ASTN2: variants seen among roughly 807,000 people sequenced by gnomAD.
The protein encoded by ASTN2 is astrotactin-2.
ASTN2 carries 54 observed loss-of-function variants against 139.8 expected under a neutral mutation model. The ratio of observed to expected loss-of-function variants is 0.39; its 90% confidence interval spans 0.31 to 0.48. ASTN2 has a LOEUF of 0.48. Among genes scored for constraint, ASTN2 ranks in the 20% least tolerant of loss-of-function variants. The pLI is 0.95. For missense variants in ASTN2, 1,565 were observed against 1,725.1 expected (o/e 0.91, Z 1.64); for synonymous variants, 756 against 719.5 (o/e 1.05, Z -0.81).
At chr9:117,353,584 C>A (rs546654887) in intron 1 of ASTN2, among the ~76,000 whole-genome samples, 1 of 152,286 alleles carries the variant, frequency 6.6e-6, no homozygotes, top group Non-Finnish European at 1.5e-5. Context: ...AAAGATCAGT[C>A]TTTCAAGTTA....
intron 1 of ASTN2, among the ~76,000 whole-genome samples, chr9:117,338,851 C>A (rs1482389009): frequency 6.6e-6 from 1 of 152,088 alleles, no homozygotes; most frequent in African/African-American, 2.4e-5. Flanking sequence ...AACTCAACAG[C>A]ACACCTGTCC....
At chr9:117,120,018 GTATATATATATATATATA>G (rs200361826) in intron 4 of ASTN2, among the ~76,000 whole-genome samples, 1 of 45,998 alleles carries the variant, frequency 2.2e-5, no homozygotes, top group Admixed American at 3.0e-4. Context: ...GTGTGTGTGT[GTATATATATATATATATA>G]TATATATATA....
chr9:117,382,971 G>A (rs1182921305), intron 1 of ASTN2, among the ~76,000 whole-genome samples: 1 of 152,094 alleles, frequency 6.6e-6, no homozygotes, highest in Non-Finnish European at 1.5e-5. Flanking sequence ...TTTTAGTGAA[G>A]GGCCAGACAG....
chr9:116,675,803 C>T (rs1286576077), intron 16 of ASTN2, among the ~76,000 whole-genome samples: 1 of 152,140 alleles, frequency 6.6e-6, no homozygotes, highest in Non-Finnish European at 1.5e-5. Flanking sequence ...TGACCATCTG[C>T]TCTTGGCCTT....
intron 4 of ASTN2, among the ~76,000 whole-genome samples, chr9:117,125,811 A>G (rs1227226812): frequency 6.6e-6 from 1 of 150,536 alleles, no homozygotes; most frequent in Admixed American, 6.6e-5. Flanking sequence ...GTGTCCCAAA[A>G]GGATCATTTC....
intron 7 of ASTN2, among the ~76,000 whole-genome samples, chr9:117,004,036 A>G (rs63660560): frequency 3.0e-4 from 1 of 3,312 alleles, no homozygotes; most frequent in Non-Finnish European, 0.17. Context: ...TATCTTGATT[A>G]AAAAAAAGAA....
intron 10 of ASTN2, among the ~76,000 whole-genome samples, chr9:116,964,262 C>A (rs1439797500): frequency 2.7e-5 from 4 of 149,314 alleles, no homozygotes; most frequent in Non-Finnish European, 4.5e-5. Context: ...TGTGTGCGCG[C>A]GCGCGCGTGT....
chr9:117,370,717 T>C (rs1021071807), intron 1 of ASTN2, among the ~76,000 whole-genome samples: 1 of 147,872 alleles, frequency 6.8e-6, no homozygotes, highest in Admixed American at 6.8e-5. Flanking sequence ...CTCTTTTTTT[T>C]CCCCCTAGAG....
intron 16 of ASTN2, among the ~76,000 whole-genome samples, chr9:116,704,530 T>C (rs1419529553): frequency 6.6e-6 from 1 of 152,200 alleles, no homozygotes; most frequent in East Asian, 1.9e-4. Context: ...GGATAGTATA[T>C]GTAAAAGTAC....
In ASTN2 at chr9:116,456,965, T is replaced by C. The variant is rs374052022; in HGVS notation, c.3498-14412A>G. On this transcript the variant is annotated intron_variant, in intron 20 of 22. Transcript: ENST00000313400. ...AACTTCAAATTATACTACAGAGCTA[T>C]AGTAACCAAAACTGCATGGTACTGT... Among the ~76,000 whole-genome samples, 8 of 152,258 alleles carry C rather than the reference T, an allele frequency of 5.3e-5. No individual in the cohort carries two copies. The East Asian group carries it at 1.2e-3, about 22-fold the overall frequency.
intron 2 of ASTN2, among the ~76,000 whole-genome samples, chr9:117,266,874 T>C (rs1256265938): frequency 6.6e-6 from 1 of 152,218 alleles, no homozygotes; most frequent in Non-Finnish European, 1.5e-5. Flanking sequence ...TCTCAACAAA[T>C]GTTCACAAAT....
intron 19 of ASTN2, among the ~76,000 whole-genome samples, chr9:116,563,338 G>C (rs548114071): frequency 7.5e-4 from 114 of 151,770 alleles, no homozygotes; most frequent in Non-Finnish European, 1.6e-3. Context: ...TCACGCCACT[G>C]CACTCCAGCC....
intron 2 of ASTN2, among the ~76,000 whole-genome samples, chr9:117,267,228 A>G (rs1833956972): frequency 6.6e-6 from 1 of 152,260 alleles, no homozygotes; most frequent in Non-Finnish European, 1.5e-5. Flanking sequence ...CAAAGGTGTC[A>G]TGATATTAAA....
At chr9:117,394,613 G>A (rs903197477) in intron 1 of ASTN2, among the ~76,000 whole-genome samples, 3 of 152,194 alleles carry the variant, frequency 2.0e-5, no homozygotes, top group Non-Finnish European at 4.4e-5. Context: ...TAGCTTATAC[G>A]AAACAGGTAA....
At chr9:116,875,697 T>G (rs550078502) in intron 10 of ASTN2, among the ~76,000 whole-genome samples, 1 of 152,330 alleles carries the variant, frequency 6.6e-6, no homozygotes, top group South Asian at 2.1e-4. Flanking sequence ...TCTCTCTCAT[T>G]AGGGGTTAAT....
chr9:117,094,168 G>C (rs1337319144), intron 5 of ASTN2, among the ~76,000 whole-genome samples: 1 of 122,674 alleles, frequency 8.2e-6, no homozygotes, highest in Non-Finnish European at 1.7e-5. Context: ...GGGAGGAAGG[G>C]AGGAAGGGAG....
In ASTN2 at chr9:117,141,418, A is replaced by T. The variant is rs533260380; in HGVS notation, c.1076T>A (p.Phe359Tyr). Reference protein sequence around the residue: ...ESLMQKFKESFRANTPIEIGQ... With the variant: ...ESLMQKFKESYRANTPIEIGQ... ...GATCTCGATGGGCGTGTTAGCGCGG[A>T]AACTCTCCTTGAACTTCTGCATCAG... The change falls in exon 4 of 23, where the codon TTC becomes TAC. Residue 359 changes from phenylalanine to tyrosine, a missense_variant. Physicochemically the swap from Phe to Tyr is conservative, Grantham distance 22. This residue lies in a region of ASTN2 where 596 missense variants were observed against 576.8 expected (regional missense o/e 1.03). Transcript: ENST00000313400. 5.6e-5 allele frequency: 77 copies of T among 1,367,444 alleles called. No homozygotes were observed. The South Asian group carries it at 7.3e-4, about 13-fold the overall frequency. 84.7% of individuals were successfully genotyped at this position (1,367,444 alleles called of 1,614,324 possible).
intron 7 of ASTN2, among the ~76,000 whole-genome samples, chr9:116,995,768 T>C (rs7019228): frequency 0.017 from 2,534 of 152,318 alleles, 64 homozygotes; most frequent in African/African-American, 0.05. Context: ...ACTTGTAAAA[T>C]GAGACGATAA....
At chr9:116,774,376 T>C (rs1564259583) in intron 13 of ASTN2, among the ~76,000 whole-genome samples, 1 of 152,174 alleles carries the variant, frequency 6.6e-6, no homozygotes, top group Admixed American at 6.5e-5. Flanking sequence ...GGAAAAGGTA[T>C]CCTGGATCCA....
Sources: gnomAD v4.1 joint callset for allele counts (sites outside exome capture counted in the v4.1 genomes callset) on GRCh38, gnomAD v4.1.1 for gene constraint, gnomAD v4.1.1 regional missense constraint, MANE v1.5 for transcripts, NCBI Gene and HGNC (gene_info 2026-07-23, HGNC 2026-07-21) for gene names.